Variants in CTNNA1 observed in about 807,000 individuals in gnomAD.
CTNNA1 encodes catenin alpha 1.
CTNNA1 carries 37 observed loss-of-function variants against 98.4 expected under a neutral mutation model. The ratio of observed to expected loss-of-function variants is 0.38; its 90% CI spans 0.29 to 0.49. The LOEUF (loss-of-function observed/expected upper bound fraction) is 0.49. Ranked by LOEUF, CTNNA1 falls within the 20% of genes least tolerant of loss-of-function variation. The pLI, the probability that CTNNA1 is intolerant of heterozygous loss-of-function variation, is 0.95. For synonymous variants in CTNNA1, 404 were observed against 413.2 expected (o/e 0.98, Z 0.27); for missense variants, 761 against 1,147.2 (o/e 0.66, Z 4.86).
chr5:138,841,804 A>T (rs1210333585), intron 7 of CTNNA1, among the ~76,000 whole-genome samples: 1 of 152,230 alleles, frequency 6.6e-6, no homozygotes, highest in African/African-American at 2.4e-5. Context: ...CCAGTTGAAG[A>T]CACTTTAATG....
intron 3 of CTNNA1, among the ~76,000 whole-genome samples, chr5:138,804,829 A>G (rs1251451992): frequency 6.6e-6 from 1 of 152,190 alleles, no homozygotes; most frequent in Non-Finnish European, 1.5e-5. Context: ...AAAAAAGGTG[A>G]TGAAAACTGC....
chr5:138,771,856 T>C (rs1236117723), intron 1 of CTNNA1, among the ~76,000 whole-genome samples: 2 of 152,188 alleles, frequency 1.3e-5, no homozygotes, highest in African/African-American at 4.8e-5. Flanking sequence ...TCGGGTACTT[T>C]TAATTTCTAA....
chr5:138,923,078 T>G (rs1763254063), intron 11 of CTNNA1, among the ~76,000 whole-genome samples: 1 of 152,196 alleles, frequency 6.6e-6, no homozygotes, highest in Non-Finnish European at 1.5e-5. Flanking sequence ...GAGAAAACAC[T>G]GGTTCTTAGT....
rs761743181 is a variant in CTNNA1, at chr5:138,886,243, A to G, written c.1094A>G (p.Asn365Ser). The change falls in exon 8 of 18, where the codon AAT (asparagine) becomes AGT (serine). Residue 365 changes from asparagine to serine, a missense_variant. By Grantham distance (46) the Asn-to-Ser change is conservative. Transcript: ENST00000302763. ...CGTAAAGAAAGAAGTGATGCACTCA[A>G]TTCTGCAATAGATAAAATGACCAAG... ...AGRKERSDAL[N>S]SAIDKMTKKT... The G allele has an allele frequency of 1.2e-6, 2 of 1,611,384 alleles. No homozygotes were observed. The highest frequency in any genetic ancestry group is 1.3e-5 in the African/African-American group (1 of 74,916).
In CTNNA1 at chr5:138,924,722, C is replaced by T; in HGVS notation, c.1747+12C>T. On this transcript the variant is annotated intron_variant, in intron 12 of 17. Coordinates refer to ENST00000302763, the MANE Select transcript of CTNNA1 (RefSeq NM_001903.5). ...GCTCTCCAACACAGGTACGGGAACTCTCCCTTTCCAGTGCTCGCACACACC... is the reference window on the plus strand; with the variant it reads ...GCTCTCCAACACAGGTACGGGAACTTTCCCTTTCCAGTGCTCGCACACACC... The T allele has an allele frequency of 6.4e-7, 1 of 1,556,592 alleles. No individual in the cohort carries two copies. The highest frequency in any genetic ancestry group is 1.9e-4 in the Middle Eastern group (1 of 5,148).
At chr5:138,858,113 T>C (rs906624056) in intron 7 of CTNNA1, among the ~76,000 whole-genome samples, 28 of 140,086 alleles carry the variant, frequency 2.0e-4, no homozygotes, top group Middle Eastern at 3.5e-3. Context: ...GTGTCATTAA[T>C]TAGAGTTAAA....
chr5:138,869,432 C>A (rs1245982192), intron 7 of CTNNA1: 1 of 151,468 alleles, frequency 6.6e-6, no homozygotes, highest in African/African-American at 2.4e-5. Flanking sequence ...AAAAGTATGC[C>A]CCCAAACAGA....
chr5:138,781,554 CA>C (rs5871681), intron 1 of CTNNA1, among the ~76,000 whole-genome samples: 95,827 of 130,072 alleles, frequency 0.74, 33,965 homozygotes, highest in East Asian at 0.98. Flanking sequence ...GACTCTGTCT[CA>C]AAAAAAAAAA....
intron 9 of CTNNA1, among the ~76,000 whole-genome samples, chr5:138,894,641 CTGATTA>C (rs111801577): frequency 0.06 from 9,122 of 150,836 alleles, 278 homozygotes; most frequent in African/African-American, 0.076. Context: ...TAGCAGCCTC[CTGATTA>C]TGATTATGAT....
rs749222766 is a variant in CTNNA1, at chr5:138,874,056, G to A, written c.1063-12156G>A. The A allele has an allele frequency of 6.2e-7, 1 of 1,613,988 alleles. No homozygotes were observed. On this transcript the variant is annotated intron_variant, in intron 7 of 17. Coordinates refer to ENST00000302763, the MANE Select transcript of CTNNA1 (RefSeq NM_001903.5). The surrounding 1 kb of genome is among the most constrained non-coding windows in gnomAD (Gnocchi z 4.1). ...AACAGGCGTACTGGGATAGTCCGCA[G>A]GGAGTTGGAACGTAAATGCAAGGTC...
intron 3 of CTNNA1, among the ~76,000 whole-genome samples, chr5:138,784,838 T>C (rs547555008): frequency 1.4e-4 from 22 of 152,272 alleles, no homozygotes; most frequent in African/African-American, 4.8e-4. Flanking sequence ...TTTGTTATCA[T>C]ATACTTTTCT....
chr5:138,901,723 T>G (rs191357618), intron 9 of CTNNA1, among the ~76,000 whole-genome samples: 56 of 152,322 alleles, frequency 3.7e-4, no homozygotes, highest in African/African-American at 1.3e-3. Flanking sequence ...TTTCTCATTC[T>G]AACCTCAGGA....
chr5:138,788,701 C>A (rs114467484), intron 3 of CTNNA1, among the ~76,000 whole-genome samples: 1 of 152,014 alleles, frequency 6.6e-6, no homozygotes, highest in Admixed American at 6.5e-5. Context: ...CCTCTTAAGC[C>A]GGATAGGGGA....
At chr5:138,865,686 T>C (rs1178401641) in intron 7 of CTNNA1, among the ~76,000 whole-genome samples, 2 of 152,218 alleles carry the variant, frequency 1.3e-5, no homozygotes, top group Non-Finnish European at 2.9e-5. Flanking sequence ...TTAGATCTGG[T>C]AAAATATGTG....
rs1236152011 is a variant in CTNNA1 at position 138,930,917 on chromosome 5, C to T, written c.2280C>T (p.Gly760=). 6.2e-7 allele frequency: 1 copy of T among 1,612,992 alleles called. No homozygotes were observed. The highest frequency in any genetic ancestry group is 8.5e-7 in the Non-Finnish European group (1 of 1,178,918). The change falls in exon 16 of 18, where the codon GGC becomes GGT. Residue 760 remains glycine (G), a synonymous_variant. Coordinates refer to ENST00000302763, the MANE Select transcript of CTNNA1 (RefSeq NM_001903.5). ...AEAGSRMDKL[G]RTIADHCPDS... is the part of the protein sequence containing the mutation. Reference sequence around the variant, plus strand: ...CAGGATCCAGGATGGACAAGCTTGGCCGCACCATTGCAGACCATGTAAGTG... The same window carrying T: ...CAGGATCCAGGATGGACAAGCTTGGTCGCACCATTGCAGACCATGTAAGTG...
At chr5:138,775,934 G>A (rs1754079834) in intron 1 of CTNNA1, among the ~76,000 whole-genome samples, 1 of 151,012 alleles carries the variant, frequency 6.6e-6, no homozygotes, top group East Asian at 1.9e-4. Context: ...CACCGTGTTA[G>A]GCAGGATGGT....
In CTNNA1 at chr5:138,776,826, CG is replaced by C. The variant is rs1452337108; in HGVS notation, c.-2-5093del. 8.6e-4 allele frequency among the ~76,000 whole-genome samples: 66 copies of C among 77,110 alleles called. 1 individual carries two copies. The highest frequency in any genetic ancestry group is 2.9e-3 in the African/African-American group (62 of 21,570). 50.6% of individuals were successfully genotyped at this position (77,110 alleles called of 152,430 possible). Reference sequence around the variant, plus strand: ...CTGACCCCCCCACCTCCCTCCCGGACGGGGCGGCTGGCCGGGCGGGGGGGCT... The same window carrying C: ...CTGACCCCCCCACCTCCCTCCCGGACGGGCGGCTGGCCGGGCGGGGGGGCT... On this transcript the variant is annotated intron_variant, in intron 1 of 17. Coordinates refer to ENST00000302763, the MANE Select transcript of CTNNA1 (RefSeq NM_001903.5).
chr5:138,832,017 A>G (rs187815596), intron 7 of CTNNA1, among the ~76,000 whole-genome samples: 1 of 152,354 alleles, frequency 6.6e-6, no homozygotes, highest in East Asian at 1.9e-4. Flanking sequence ...ACTTCCTATT[A>G]GATCTTTCAC....
At chr5:138,760,028 C>T (rs1383583964) in intron 1 of CTNNA1, among the ~76,000 whole-genome samples, 2 of 103,098 alleles carry the variant, frequency 1.9e-5, no homozygotes, top group African/African-American at 3.8e-5. Context: ...GAGTTTCACT[C>T]TTGTCGCCCA....
Sources: allele counts gnomAD v4.1 joint callset (sites outside exome capture counted in the v4.1 genomes callset), GRCh38; gene constraint gnomAD v4.1.1; non-coding constraint Gnocchi (gnomAD v3.1); transcripts MANE v1.5; gene names NCBI Gene and HGNC (gene_info 2026-07-23, HGNC 2026-07-21).